Variants in ATP1B4 observed in about 807,000 individuals in gnomAD.
ATP1B4 encodes the protein ATPase Na+/K+ transporting family member beta 4, also known as protein ATP1B4.
In ATP1B4, 32 loss-of-function variants were observed where a neutral mutation model predicts 29.6. The ratio of observed to expected loss-of-function variants is 1.08; its 90% confidence interval spans 0.82 to 1.45. The LOEUF (loss-of-function observed/expected upper bound fraction) is 1.45. Among genes scored for constraint, ATP1B4 ranks in the 40% most tolerant of loss-of-function variants. The pLI is 0.00. For missense variants in ATP1B4, 323 were observed against 276.2 expected (o/e 1.17, Z -1.20); for synonymous variants, 127 against 102.1 (o/e 1.24, Z -1.47).
intron 1 of ATP1B4, among the ~76,000 whole-genome samples, chrX:120,363,167 G>C (rs1283188138): frequency 8.9e-6 from 1 of 111,980 alleles, no homozygotes; most frequent in Non-Finnish European, 1.9e-5. Flanking sequence ...ATTTTTCTTT[G>C]GGTATGGCCA....
chrX:120,368,896 T>C (rs2058299329), intron 2 of ATP1B4, among the ~76,000 whole-genome samples: 2 of 111,361 alleles, frequency 1.8e-5, no homozygotes, highest in African/African-American at 6.5e-5. Flanking sequence ...GAGGGATCAA[T>C]GGGTTCAAAT....
chrX:120,362,370 G>C (rs972307296), intron 1 of ATP1B4, 139 bp downstream of exon 1: 28 of 565,152 alleles, frequency 5.0e-5, no homozygotes, highest in Admixed American at 8.5e-5. Flanking sequence ...GGGAGCCCAG[G>C]GTTTCAAAAA....
Position 120,375,551 on chromosome X carries a change from C to G in ATP1B4, c.742C>G (p.Leu248Val). ...FGYSTGQPCILLKMNRIVGFR... is the reference protein window; with the variant it reads ...FGYSTGQPCIVLKMNRIVGFR... ...ATACTCTACTGGACAGCCCTGCATC[C>G]TTCTAAAGATGAACCGGGTATATTG... The change falls in exon 5 of 8, where the codon CTT becomes GTT. Residue 248 changes from leucine to valine, a missense_variant. Leu to Val is a conservative substitution (Grantham distance 32). Transcript: ENST00000218008. 1 of 1,205,653 alleles carries G rather than the reference C, an allele frequency of 8.3e-7. No individual in the cohort carries two copies. Among genetic ancestry groups the G allele is most frequent in the Admixed American group, 2.2e-5 (1 of 45,110 alleles).
chrX:120,374,941 C>G (rs748483600), intron 4 of ATP1B4, among the ~76,000 whole-genome samples: 1 of 97,846 alleles, frequency 1.0e-5, no homozygotes, highest in Non-Finnish European at 2.0e-5. Flanking sequence ...TATACCATAC[C>G]TTGAATGTTT....
At chrX:120,371,312 C>T in intron 4 of ATP1B4, 102 bp downstream of exon 4, 1 of 614,535 alleles carries the variant, frequency 1.6e-6, no homozygotes, top group Non-Finnish European at 2.7e-6. Context: ...GTCTTACTAA[C>T]CCCAACTCAT....
chrX:120,374,864 A>C (rs1438518559), intron 4 of ATP1B4, among the ~76,000 whole-genome samples: 3 of 82,755 alleles, frequency 3.6e-5, no homozygotes, highest in African/African-American at 4.5e-5. Context: ...TATTATATAT[A>C]AGGGTATATA....
intron 6 of ATP1B4, 112 bp downstream of exon 6, chrX:120,376,548 T>A: frequency 1.6e-6 from 1 of 625,278 alleles, no homozygotes; most frequent in Non-Finnish European, 2.6e-6. Flanking sequence ...AAGGTTAATC[T>A]TTTCATAACT....
In ATP1B4 at chrX:120,378,571, T is replaced by C. The variant is rs1602509731; in HGVS notation, c.817-107T>C. ...TGCTTTCATGGTCTTCCTGGAACAG[T>C]TGGTTATGGTTCACACAGTGATTTC... On this transcript the variant is annotated intron_variant, in intron 6 of 7. Transcript: ENST00000218008. The C allele has an allele frequency of 7.6e-6, 5 of 659,672 alleles. No individual in the cohort carries two copies. The East Asian group carries it at 1.6e-4, about 21-fold the overall frequency. The allele number at this position is 659,672 out of a possible 1,213,427, so 54.4% of individuals were successfully genotyped here.
intron 2 of ATP1B4, among the ~76,000 whole-genome samples, chrX:120,367,882 C>T (rs1056441081): frequency 4.5e-5 from 5 of 111,218 alleles, no homozygotes; most frequent in East Asian, 2.8e-4. Context: ...CCACCCCTGA[C>T]CATCCCACAA....
At position 120,376,382 on chromosome X, in the gene ATP1B4, TG is replaced by T. The variant is rs2058355662; in HGVS notation, c.763del (p.Val255Ter). On this transcript the variant is annotated frameshift_variant, in exon 6 of 8. Transcript: ENST00000218008. LOFTEE classifies it high-confidence loss of function. ...AAACACTGGTTTTCTTTTGATAGAT[TG>T]TAGGCTTTCGTCCTGAGCTTGGAGA... ...PCILLKMNRI[V>X]GFRPELGDPV... The T allele has an allele frequency of 9.1e-6, 11 of 1,210,242 alleles. No homozygotes were observed. The highest frequency in any genetic ancestry group is 1.1e-5 in the Non-Finnish European group (10 of 894,287).
chrX:120,379,527 C>T lies in ATP1B4; in HGVS notation c.967C>T (p.Gln323Ter). The T allele has an allele frequency of 8.3e-7, 1 of 1,210,629 alleles. No individual in the cohort carries two copies. The highest frequency in any genetic ancestry group is 1.1e-6 in the Non-Finnish European group (1 of 894,736). ...GCACTTTACAGACGTGGTGAAGAAC[C>T]AAGCAGTGCCTGTGCAGTGCCAACT... ...AMHFTDVVKN[Q>*]AVPVQCQLKG... The change falls in exon 8 of 8, where the codon CAA (glutamine) becomes TAA (stop). Residue 323 changes from glutamine to a stop codon, truncating the protein, a stop_gained. Transcript: ENST00000218008. LOFTEE classifies it high-confidence loss of function.
At chrX:120,377,311 C>T (rs998880843) in intron 6 of ATP1B4, among the ~76,000 whole-genome samples, 4 of 112,239 alleles carry the variant, frequency 3.6e-5, no homozygotes, top group Non-Finnish European at 5.6e-5. Flanking sequence ...AGTATGACTC[C>T]GTCTCTGAAA....
intron 2 of ATP1B4, among the ~76,000 whole-genome samples, chrX:120,367,799 C>T (rs1049975539): frequency 8.9e-6 from 1 of 111,832 alleles, no homozygotes; most frequent in Non-Finnish European, 1.9e-5. Context: ...GTCAAGGTGA[C>T]ACACTAAGCT....
chrX:120,379,450 A>G, intron 7 of ATP1B4, 23 bp from the exon 8 acceptor site: 1 of 1,191,456 alleles, frequency 8.4e-7, no homozygotes. Flanking sequence ...CACACTTAGA[A>G]TTCATTTTTC....
chrX:120,368,325 C>T (rs764298891), intron 2 of ATP1B4, among the ~76,000 whole-genome samples: 33 of 111,948 alleles, frequency 2.9e-4, no homozygotes, highest in Non-Finnish European at 4.9e-4. Context: ...ATAAAGCACA[C>T]GCCTTGCTGT....
intron 4 of ATP1B4, among the ~76,000 whole-genome samples, chrX:120,372,003 T>C (rs984174484): frequency 9.8e-5 from 11 of 112,510 alleles, no homozygotes; most frequent in African/African-American, 3.6e-4. Flanking sequence ...AGAAAGGAGT[T>C]AGAGGAAGAA....
At chrX:120,371,280 T>C (rs2147251749) in intron 4 of ATP1B4, 70 bp downstream of exon 4, 2 of 886,091 alleles carry the variant, frequency 2.3e-6, no homozygotes, top group East Asian at 6.2e-5. Context: ...AAATTCAAAA[T>C]TCACCTGGCC....
intron 6 of ATP1B4, among the ~76,000 whole-genome samples, chrX:120,378,373 T>C (rs1473476960): frequency 2.7e-5 from 3 of 111,818 alleles, no homozygotes; most frequent in Admixed American, 1.9e-4. Context: ...GCAAGCCCTT[T>C]GGATTGCTTC....
intron 1 of ATP1B4, among the ~76,000 whole-genome samples, chrX:120,363,389 T>A (rs1407020409): frequency 8.9e-6 from 1 of 112,785 alleles, no homozygotes; most frequent in Non-Finnish European, 1.9e-5. Flanking sequence ...CCTTCTTTTC[T>A]ATGTAATCTT....
Sources: allele counts gnomAD v4.1 joint callset (sites outside exome capture counted in the v4.1 genomes callset), GRCh38; gene constraint gnomAD v4.1.1; transcripts MANE v1.5; gene names NCBI Gene and HGNC (gene_info 2026-07-23, HGNC 2026-07-21).